The following GALNTL6 variants were observed in gnomAD, a reference collection of about 807,000 sequenced individuals.
The protein encoded by GALNTL6 is polypeptide N-acetylgalactosaminyltransferase-like 6.
In GALNTL6, 46 loss-of-function variants were observed where a neutral mutation model predicts 73.7. The observed-to-expected ratio is 0.62, with a 90% CI of 0.49 to 0.80. The LOEUF is 0.80. Among genes scored for constraint, GALNTL6 ranks in the 30% least tolerant of loss-of-function variants. The pLI, the probability that GALNTL6 is intolerant of heterozygous loss-of-function variation, is 0.00. For synonymous variants in GALNTL6, 259 were observed against 263.7 expected (o/e 0.98, Z 0.17); for missense variants, 604 against 755.0 (o/e 0.80, Z 2.34).
intron 2 of GALNTL6, among the ~76,000 whole-genome samples, chr4:171,938,035 A>G (rs1738406189): frequency 6.6e-6 from 1 of 152,148 alleles, no homozygotes; most frequent in Admixed American, 6.6e-5. Flanking sequence ...TATTTCCATA[A>G]CAAAGGCCAC....
chr4:172,500,524 C>A (rs1051964213), intron 5 of GALNTL6, among the ~76,000 whole-genome samples: 1 of 152,116 alleles, frequency 6.6e-6, no homozygotes, highest in Non-Finnish European at 1.5e-5. Context: ...ATAAGTCTCT[C>A]ACCTGAAACT....
chr4:172,421,842 C>A (rs1029918667), intron 5 of GALNTL6, among the ~76,000 whole-genome samples: 1 of 151,930 alleles, frequency 6.6e-6, no homozygotes, highest in Non-Finnish European at 1.5e-5. Flanking sequence ...CCCAGACATG[C>A]ATAAAATAGT....
chr4:172,882,963 G>C, intron 8 of GALNTL6, 56 bp downstream of exon 8: 1 of 919,244 alleles, frequency 1.1e-6, no homozygotes, highest in South Asian at 1.5e-5. Context: ...AATTCTGATA[G>C]AATATCAGCA....
intron 4 of GALNTL6, among the ~76,000 whole-genome samples, chr4:172,346,029 A>G (rs1578978746): frequency 6.6e-6 from 1 of 152,294 alleles, no homozygotes; most frequent in Non-Finnish European, 1.5e-5. Flanking sequence ...TGCAGAGATG[A>G]GAGAAAGTAC....
At chr4:172,791,997 T>C (rs1740019513) in intron 5 of GALNTL6, among the ~76,000 whole-genome samples, 1 of 152,190 alleles carries the variant, frequency 6.6e-6, no homozygotes, top group African/African-American at 2.4e-5. Context: ...AGTCTAAGGA[T>C]CTCACTGCCT....
chr4:172,488,600 G>A (rs1579121367), intron 5 of GALNTL6, among the ~76,000 whole-genome samples: 1 of 152,288 alleles, frequency 6.6e-6, no homozygotes, highest in East Asian at 1.9e-4. Flanking sequence ...GGAAGAAGCT[G>A]CATGGCCTTC....
chr4:172,998,969 G>C (rs1214227337), intron 10 of GALNTL6, among the ~76,000 whole-genome samples: 1 of 140,522 alleles, frequency 7.1e-6, no homozygotes, highest in Non-Finnish European at 1.5e-5. Flanking sequence ...CCAGTAATTT[G>C]AATAGGGACA....
intron 7 of GALNTL6, among the ~76,000 whole-genome samples, chr4:172,841,212 A>G (rs1351751714): frequency 6.6e-6 from 1 of 152,230 alleles, no homozygotes; most frequent in Non-Finnish European, 1.5e-5. Context: ...GGCTGCATTA[A>G]ACAGAACATT....
intron 2 of GALNTL6, among the ~76,000 whole-genome samples, chr4:172,076,300 G>A (rs1373935615): frequency 1.3e-5 from 2 of 152,166 alleles, no homozygotes; most frequent in East Asian, 3.9e-4. Flanking sequence ...TACATAATTA[G>A]AAAATAGCAT....
At position 172,606,651 on chromosome 4, in the gene GALNTL6, AGTATATATATAC is replaced by A. The variant is rs1170528861; in HGVS notation, c.554-202709_554-202698del. On this transcript the variant is annotated intron_variant, in intron 5 of 12. Coordinates refer to ENST00000506823, the MANE Select transcript of GALNTL6 (RefSeq NM_001034845.3). Reference sequence around the variant, plus strand: ...TATACTATATATATACTATATATATAGTATATATATACTATATATATATACTATATATATAGT... The same window carrying A: ...TATACTATATATATACTATATATATATATATATATATACTATATATATAGT... Among the ~76,000 whole-genome samples, 10 of 38,874 alleles carry A rather than the reference AGTATATATATAC, an allele frequency of 2.6e-4. No individual in the cohort carries two copies. In the South Asian group the frequency reaches 0.012, roughly 48 times the overall value. The allele number at this position is 38,874 out of a possible 152,430, so 25.5% of individuals were successfully genotyped here. A position where few individuals can be genotyped will look rare whatever the true frequency, so the allele number is the denominator to read the frequency against.
At chr4:172,779,397 GTCAGCGTGCTTA>G (rs1739256677) in intron 5 of GALNTL6, among the ~76,000 whole-genome samples, 1 of 152,104 alleles carries the variant, frequency 6.6e-6, no homozygotes, top group African/African-American at 2.4e-5. Flanking sequence ...GCCCAGCCCA[GTCAGCGTGCTTA>G]TCGGCAGGGA....
chr4:172,448,699 A>T (rs1249577568), intron 5 of GALNTL6, among the ~76,000 whole-genome samples: 2 of 152,162 alleles, frequency 1.3e-5, no homozygotes, highest in Non-Finnish European at 2.9e-5. Context: ...AACTCTGAGA[A>T]ATCTAGAATC....
chr4:172,851,711 GA>G (rs1212371493), intron 7 of GALNTL6, among the ~76,000 whole-genome samples: 1 of 152,146 alleles, frequency 6.6e-6, no homozygotes, highest in Non-Finnish European at 1.5e-5. Flanking sequence ...ACAAGTTGGA[GA>G]CAAAGAAACC....
At chr4:172,198,180 T>C (rs1045369951) in intron 2 of GALNTL6, among the ~76,000 whole-genome samples, 2 of 151,962 alleles carry the variant, frequency 1.3e-5, no homozygotes, top group South Asian at 2.1e-4. Context: ...ATTCAGGATA[T>C]AGGCACAGGT....
At chr4:172,951,957 T>C in intron 9 of GALNTL6, 80 bp from the exon 10 acceptor site, 1 of 1,224,608 alleles carries the variant, frequency 8.2e-7, no homozygotes, top group Non-Finnish European at 1.2e-6. Context: ...TCCTTTTCTT[T>C]TTTCAATTTC....
At chr4:172,604,413 G>T (rs1306481135) in intron 5 of GALNTL6, among the ~76,000 whole-genome samples, 9 of 152,146 alleles carry the variant, frequency 5.9e-5, no homozygotes, top group African/African-American at 2.2e-4. Flanking sequence ...GCTGTCCAGA[G>T]AGCAAATAGA....
intron 11 of GALNTL6, among the ~76,000 whole-genome samples, chr4:173,017,031 T>TCCTTGCTGTCACC: frequency 6.6e-6 from 1 of 152,190 alleles, no homozygotes; most frequent in Non-Finnish European, 1.5e-5. Flanking sequence ...TGCTTGGCAC[T>TCCTTGCTGTCACC]GCTCCTTGCT....
intron 5 of GALNTL6, among the ~76,000 whole-genome samples, chr4:172,379,436 A>G (rs1307110377): frequency 6.6e-6 from 1 of 150,634 alleles, no homozygotes; most frequent in African/African-American, 2.4e-5. Context: ...AGGCTGAGGC[A>G]GGAGAATGGC....
chr4:172,835,240 C>CATG (rs1235824740), intron 7 of GALNTL6, among the ~76,000 whole-genome samples: 1 of 152,234 alleles, frequency 6.6e-6, no homozygotes, highest in Non-Finnish European at 1.5e-5. Flanking sequence ...GAGGGAGGAG[C>CATG]ATGTTCACAA....
Sources: gnomAD v4.1 joint callset for allele counts (sites outside exome capture counted in the v4.1 genomes callset) on GRCh38, gnomAD v4.1.1 for gene constraint, MANE v1.5 for transcripts, NCBI Gene and HGNC (gene_info 2026-07-23, HGNC 2026-07-21) for gene names.